The following TMEM132C variants were observed in gnomAD, a reference collection of about 807,000 sequenced individuals.
The protein encoded by TMEM132C is transmembrane protein 132C.
TMEM132C carries 29 observed loss-of-function variants against 61.4 expected under a neutral mutation model. The observed-to-expected ratio is 0.47, with a 90% CI of 0.35 to 0.64. The LOEUF is 0.64. Ranked by LOEUF, TMEM132C falls within the 30% of genes least tolerant of loss-of-function variation. TMEM132C has a pLI of 0.00. For synonymous variants in TMEM132C, 656 were observed against 633.1 expected (o/e 1.04, Z -0.54); for missense variants, 1,408 against 1,476.9 (o/e 0.95, Z 0.76).
rs1555248767 is a variant in TMEM132C, at chr12:128,269,347, C to CATGTGTGTGTGT, written c.85+1860_85+1861insATGTGTGTGTGT. 2.8e-5 allele frequency among the ~76,000 whole-genome samples: 4 copies of CATGTGTGTGTGT among 143,050 alleles called. 1 individual carries two copies. Among genetic ancestry groups the CATGTGTGTGTGT allele is most frequent in the African/African-American group, 1.1e-4 (4 of 37,144 alleles). The allele number at this position is 143,050 out of a possible 152,430, so 93.8% of individuals were successfully genotyped here. On this transcript the variant is annotated intron_variant, in intron 1 of 8. Coordinates refer to ENST00000435159, the MANE Select transcript of TMEM132C (RefSeq NM_001136103.3). ...CTGTTCTTCATTAAGGCTCACATTC[C>CATGTGTGTGTGT]GTGTGTGTGTGTGTGTGTGTGTGTG...
intron 1 of TMEM132C, among the ~76,000 whole-genome samples, chr12:128,411,217 G>T (rs1868526112): frequency 6.6e-6 from 1 of 152,084 alleles, no homozygotes; most frequent in Non-Finnish European, 1.5e-5. Context: ...TTGTAATTCA[G>T]TGAACAACTT....
chr12:128,430,831 G>A (rs1006496403), intron 2 of TMEM132C, among the ~76,000 whole-genome samples: 5 of 152,300 alleles, frequency 3.3e-5, no homozygotes, highest in African/African-American at 9.6e-5. Flanking sequence ...TAAATGTTGT[G>A]TGTGTTTTGA....
At chr12:128,659,895 A>G (rs1302790662) in intron 4 of TMEM132C, among the ~76,000 whole-genome samples, 1 of 152,134 alleles carries the variant, frequency 6.6e-6, no homozygotes, top group Non-Finnish European at 1.5e-5. Flanking sequence ...TGTTTTCTAG[A>G]GGGTTGTCTT....
chr12:128,436,808 AG>A, intron 2 of TMEM132C, among the ~76,000 whole-genome samples: 1 of 152,368 alleles, frequency 6.6e-6, no homozygotes, highest in East Asian at 1.9e-4. Context: ...ATATACCCAA[AG>A]GATTATAAAT....
At chr12:128,528,805 G>A (rs933226023) in intron 2 of TMEM132C, among the ~76,000 whole-genome samples, 8 of 152,130 alleles carry the variant, frequency 5.3e-5, no homozygotes, top group African/African-American at 1.4e-4. Flanking sequence ...GCTCACCGTG[G>A]GGCTTTGGGT....
intron 3 of TMEM132C, among the ~76,000 whole-genome samples, chr12:128,601,428 A>T (rs1876182569): frequency 6.6e-6 from 1 of 152,240 alleles, no homozygotes; most frequent in South Asian, 2.1e-4. Context: ...CACGGGGAGT[A>T]GAACGGTGTC....
intron 2 of TMEM132C, among the ~76,000 whole-genome samples, chr12:128,537,889 T>G (rs528003019): frequency 6.6e-6 from 1 of 152,320 alleles, no homozygotes; most frequent in South Asian, 2.1e-4. Context: ...ATATTATCAT[T>G]GGGGGAAGCT....
intron 1 of TMEM132C, among the ~76,000 whole-genome samples, chr12:128,330,117 C>G (rs1357270194): frequency 1.3e-5 from 2 of 152,178 alleles, no homozygotes; most frequent in Non-Finnish European, 2.9e-5. Context: ...GATAGCATCA[C>G]TGCCACCGCC....
In TMEM132C at chr12:128,528,473, G is replaced by A. The variant is rs537659014; in HGVS notation, c.975-15484G>A. On this transcript the variant is annotated intron_variant, in intron 2 of 8. Coordinates refer to ENST00000435159, the MANE Select transcript of TMEM132C (RefSeq NM_001136103.3). ...CGTGGACAGTGTTTTTGGGGAGCGC[G>A]GCTGGGCTATTCTGCTGATCACACA... is the stretch of plus-strand genomic sequence containing the variant. Among the ~76,000 whole-genome samples, 105 of 152,240 alleles carry A rather than the reference G, an allele frequency of 6.9e-4. 1 individual carries two copies. Among genetic ancestry groups the A allele is most frequent in the African/African-American group, 2.4e-3 (98 of 41,546 alleles).
chr12:128,267,755 G>T (rs77506407), intron 1 of TMEM132C, among the ~76,000 whole-genome samples: 6,516 of 152,270 alleles, frequency 0.043, 364 homozygotes, highest in African/African-American at 0.12. Flanking sequence ...CCCCGCGGAT[G>T]AGGAGGGGGC....
intron 4 of TMEM132C, among the ~76,000 whole-genome samples, chr12:128,631,797 C>T (rs891951871): frequency 6.6e-6 from 1 of 152,162 alleles, no homozygotes; most frequent in African/African-American, 2.4e-5. Flanking sequence ...TAGTTCCTGG[C>T]ATCCAAGCAA....
intron 2 of TMEM132C, among the ~76,000 whole-genome samples, chr12:128,498,113 G>T (rs918413013): frequency 1.1e-4 from 17 of 152,018 alleles, no homozygotes; most frequent in Non-Finnish European, 1.8e-4. Flanking sequence ...AATATTTTTG[G>T]TTTTATTTTG....
At chr12:128,656,154 G>A (rs763786798) in intron 4 of TMEM132C, among the ~76,000 whole-genome samples, 9 of 152,174 alleles carry the variant, frequency 5.9e-5, no homozygotes, top group Admixed American at 1.3e-4. Flanking sequence ...GGGCACAAGC[G>A]ATTCTCCTCC....
chr12:128,515,887 A>C, intron 2 of TMEM132C, among the ~76,000 whole-genome samples: 1 of 152,098 alleles, frequency 6.6e-6, no homozygotes. Flanking sequence ...ATACAGCCCA[A>C]CGTGTGTGTT....
chr12:128,650,725 C>G (rs2135609712), intron 4 of TMEM132C, among the ~76,000 whole-genome samples: 1 of 152,116 alleles, frequency 6.6e-6, no homozygotes, highest in South Asian at 2.1e-4. Context: ...ACAGCAAGAC[C>G]CTGTCTCAAA....
At chr12:128,473,124 C>CTCTATCTTCATCTTCACTCCAGCT (rs1871005521) in intron 2 of TMEM132C, among the ~76,000 whole-genome samples, 1 of 120,450 alleles carries the variant, frequency 8.3e-6, no homozygotes, top group Non-Finnish European at 1.9e-5. Context: ...TCACTCCAGC[C>CTCTATCTTCATCTTCACTCCAGCT]TCCATCTTCA....
chr12:128,305,835 A>T (rs930342840), intron 1 of TMEM132C, among the ~76,000 whole-genome samples: 3 of 152,184 alleles, frequency 2.0e-5, no homozygotes, highest in Admixed American at 2.0e-4. Flanking sequence ...CCTTTCCAGC[A>T]TGATCCTAAT....
intron 2 of TMEM132C, among the ~76,000 whole-genome samples, chr12:128,426,409 A>T (rs10847616): frequency 3.3e-5 from 5 of 152,076 alleles, no homozygotes; most frequent in African/African-American, 9.7e-5. Flanking sequence ...TGGATTCCTC[A>T]GGAGCAAGCT....
intron 1 of TMEM132C, among the ~76,000 whole-genome samples, chr12:128,301,410 C>T (rs187918485): frequency 5.9e-5 from 9 of 152,244 alleles, no homozygotes; most frequent in African/African-American, 2.2e-4. Flanking sequence ...ACTTGTATCT[C>T]AAAGAATTAA....
Sources: allele counts gnomAD v4.1 joint callset (sites outside exome capture counted in the v4.1 genomes callset), GRCh38; gene constraint gnomAD v4.1.1; transcripts MANE v1.5; gene names NCBI Gene and HGNC (gene_info 2026-07-23, HGNC 2026-07-21).